The following SLC46A1 variants were observed in gnomAD, a reference collection of about 807,000 sequenced individuals.
The protein encoded by SLC46A1 is proton-coupled folate transporter.
Under a neutral mutation model 32.1 loss-of-function variants are expected in SLC46A1, and 17 were observed. That is an observed-to-expected ratio of 0.53 (90% CI 0.36 to 0.79). SLC46A1 has a LOEUF of 0.79. SLC46A1 is among the 30% of genes least tolerant of loss of function. SLC46A1 has a pLI of 0.00. For missense variants in SLC46A1, 517 were observed against 588.2 expected (o/e 0.88, Z 1.25); for synonymous variants, 240 against 262.7 (o/e 0.91, Z 0.84).
At position 28,405,393 on chromosome 17, in the gene SLC46A1, T is replaced by A. The variant is rs1555590992; in HGVS notation, c.304A>T (p.Thr102Ser). 2 of 1,585,424 alleles carry A rather than the reference T, an allele frequency of 1.3e-6. No homozygotes were observed. The highest frequency in any genetic ancestry group is 3.6e-5 in the Admixed American group (2 of 55,608). The change falls in exon 2 of 5, where the codon ACC (threonine) becomes TCC (serine). Residue 102 changes from threonine (T) to serine (S), a missense_variant. Thr to Ser is a moderately conservative substitution (Grantham distance 58). Transcript: ENST00000612814. ...CTGTCGCTCCAAGCTCCCAGCAGGG[T>A]GGACGAGAAGAGCCCCACCAGGAAG... ...GGFLVGLFSS[T>S]LLGAWSDSVG... is the part of the protein sequence containing the mutation.
rs1597828080 is a variant in SLC46A1, at chr17:28,397,679, G to C, written c.*1977C>G. The C allele has an allele frequency of 6.6e-6, 1 of 152,250 alleles. No individual in the cohort carries two copies. The highest frequency in any genetic ancestry group is 1.5e-5 in the Non-Finnish European group (1 of 68,080). The allele number at this position is 152,250 out of a possible 1,614,324, so 9.4% of individuals were successfully genotyped here. A position where few individuals can be genotyped will look rare whatever the true frequency, so the allele number is the denominator to read the frequency against. On this transcript the variant is annotated 3_prime_UTR_variant, in exon 5 of 5. Coordinates refer to ENST00000612814, the MANE Select transcript of SLC46A1 (RefSeq NM_080669.6). ...TCAAAGAATCTAGCAGCGGGGGATA[G>C]GATTTTGCAACAAAAAGCTGACCCA...
In SLC46A1 at chr17:28,398,043, T is replaced by C. The variant is rs1472804396; in HGVS notation, c.*1613A>G. On this transcript the variant is annotated 3_prime_UTR_variant, in exon 5 of 5. Coordinates refer to ENST00000612814, the MANE Select transcript of SLC46A1 (RefSeq NM_080669.6). Reference sequence around the variant, plus strand: ...GTTTTGACCCCACCTGATCCTCCTTTCCTCATGCAGCACAAGTGCTCACCG... The same window carrying C: ...GTTTTGACCCCACCTGATCCTCCTTCCCTCATGCAGCACAAGTGCTCACCG... The C allele has an allele frequency of 6.6e-6, 1 of 152,464 alleles. No individual in the cohort carries two copies. Among genetic ancestry groups the C allele is most frequent in the Non-Finnish European group, 1.5e-5 (1 of 68,268 alleles). The allele number at this position is 152,464 out of a possible 1,614,324, so 9.4% of individuals were successfully genotyped here.
At chr17:28,403,068 C>G (rs969201574) in intron 2 of SLC46A1, 3 of 152,282 alleles carry the variant, frequency 2.0e-5, no homozygotes, top group Non-Finnish European at 4.4e-5. Flanking sequence ...CCAAGGAATG[C>G]CAGCAGCCCC....
chr17:28,401,128 G>C (rs1023918392), intron 3 of SLC46A1: 4 of 342,144 alleles, frequency 1.2e-5, no homozygotes, highest in African/African-American at 8.5e-5. Context: ...TCCTGTTTGG[G>C]ATTAACTGCT....
In SLC46A1 at chr17:28,404,839, G is replaced by T; in HGVS notation, c.858C>A (p.Asp286Glu). 6.2e-7 allele frequency: 1 copy of T among 1,614,008 alleles called. No homozygotes were observed. Among genetic ancestry groups the T allele is most frequent in the South Asian group, 1.1e-5 (1 of 91,086 alleles). ...VVITVHFGAQ[D>E]ILTLYELSTP... ...TGCTTAGTTCATAAAGGGTTAAGAT[G>T]TCCTGGGCCCCAAAGTGCACAGTGA... The change falls in exon 2 of 5, where the codon GAC (aspartate) becomes GAA (glutamate). Residue 286 changes from aspartate to glutamate, a missense_variant. By Grantham distance (45) the Asp-to-Glu change is conservative (BLOSUM62 2). Coordinates refer to ENST00000612814, the MANE Select transcript of SLC46A1 (RefSeq NM_080669.6).
At chr17:28,400,187 G>A (rs1454624203) in intron 4 of SLC46A1, 15 of 240,190 alleles carry the variant, frequency 6.2e-5, no homozygotes, top group East Asian at 1.0e-4. Context: ...GAGCCTCCAC[G>A]CCCGGCCATG....
Position 28,405,102 on chromosome 17 carries a change from C to G in SLC46A1, c.595G>C (p.Gly199Arg), listed in dbSNP as rs782562758. Residue 199 changes from glycine to arginine, a missense_variant, in exon 2 of 5, where the codon GGG (glycine) becomes CGG (arginine). By Grantham distance (125) the Gly-to-Arg change is moderately radical. Transcript: ENST00000612814. ...CCCTGGGCCCGGAGCCAGTGGCCCC[C>G]GAGGAGGCTTGCCAGCATCCCAGCC... Reference protein sequence around the residue: ...GVAGMLASLLGGHWLRAQGYA... With the variant: ...GVAGMLASLLRGHWLRAQGYA... 6.8e-6 allele frequency: 11 copies of G among 1,613,800 alleles called. No homozygotes were observed. The highest frequency in any genetic ancestry group is 1.7e-6 in the Non-Finnish European group (2 of 1,179,820).
chr17:28,398,386 C>T lies in SLC46A1; in HGVS notation c.*1270G>A, dbSNP rs1567814126. 1 of 152,388 alleles carries T rather than the reference C, an allele frequency of 6.6e-6. No individual in the cohort carries two copies. The highest frequency in any genetic ancestry group is 1.9e-4 in the East Asian group (1 of 5,202). The allele number at this position is 152,388 out of a possible 1,614,324, so 9.4% of individuals were successfully genotyped here. A position where few individuals can be genotyped will look rare whatever the true frequency, so the allele number is the denominator to read the frequency against. ...GCCCCAGCTGGAACAGCTGAAGTCA[C>T]AAGCCTCCTCTAAGCCAAGGCCAGT... On this transcript the variant is annotated 3_prime_UTR_variant, in exon 5 of 5. Transcript: ENST00000612814.
At chr17:28,403,545 A>T (rs2068221140) in intron 2 of SLC46A1, 1 of 152,168 alleles carries the variant, frequency 6.6e-6, no homozygotes, top group Non-Finnish European at 1.5e-5. Context: ...GACCCAGAGC[A>T]ATGACAGCAT....
rs782221502 is a variant in SLC46A1, at chr17:28,404,698, C to G, written c.999G>C (p.Trp333Cys). 1 of 1,613,824 alleles carries G rather than the reference C, an allele frequency of 6.2e-7. No homozygotes were observed. Among genetic ancestry groups the G allele is most frequent in the Non-Finnish European group, 8.5e-7 (1 of 1,179,834 alleles). Residue 333 changes from tryptophan (W) to cysteine (C), a missense_variant, in exon 2 of 5, where the codon TGG becomes TGC. Trp to Cys is a radical substitution (Grantham distance 215). Coordinates refer to ENST00000612814, the MANE Select transcript of SLC46A1 (RefSeq NM_080669.6). ...TGAAGGCCAGGCCGATCTCAGCTAC[C>G]CAGGCATCGGCCAGGCAGTACTGCA... is the stretch of plus-strand genomic sequence containing the variant. The part of the protein sequence containing the change: ...KLLQYCLADA[W>C]VAEIGLAFNI...
Position 28,405,169 on chromosome 17 carries a change from G to T in SLC46A1, c.528C>A (p.Ser176Arg), listed in dbSNP as rs1214642514. The T allele has an allele frequency of 5.6e-6, 9 of 1,609,440 alleles. No homozygotes were observed. The highest frequency in any genetic ancestry group is 1.3e-5 in the African/African-American group (1 of 74,834). Reference sequence around the variant, plus strand: ...CCAGCAGGGCCATCCGGAAGGTGCGGCTGCGACTGGAGCTGACATCTGCCA... The same window carrying T: ...CCAGCAGGGCCATCCGGAAGGTGCGTCTGCGACTGGAGCTGACATCTGCCA... ...ASVADVSSSRSRTFRMALLEA... is the reference protein window; with the variant it reads ...ASVADVSSSRRRTFRMALLEA... The change falls in exon 2 of 5, where the codon AGC becomes AGA. Residue 176 changes from serine to arginine, a missense_variant. Physicochemically the swap from Ser to Arg is moderately radical, Grantham distance 110. Coordinates refer to ENST00000612814, the MANE Select transcript of SLC46A1 (RefSeq NM_080669.6).
Position 28,396,168 on chromosome 17 carries a change from A to G in SLC46A1, c.*3488T>C. The stretch of plus-strand genomic sequence containing the variant: ...TCCTGTGCCCACAGGTGGTCCCACG[A>G]ATACCAGGAGGCCACCATTGAGAAG... On this transcript the variant is annotated 3_prime_UTR_variant, in exon 5 of 5. Coordinates refer to ENST00000612814, the MANE Select transcript of SLC46A1 (RefSeq NM_080669.6). 1 of 1,613,906 alleles carries G rather than the reference A, an allele frequency of 6.2e-7. No individual in the cohort carries two copies. The highest frequency in any genetic ancestry group is 1.6e-4 in the Middle Eastern group (1 of 6,062).
chr17:28,405,788 A>G, intron 1 of SLC46A1, 99 bp downstream of exon 1: 1 of 1,300,530 alleles, frequency 7.7e-7, no homozygotes. Flanking sequence ...CCCTCCCTCC[A>G]GTTACCCGCC....
At chr17:28,406,463 C>T (rs1212756002), upstream of SLC46A1, 4 of 262,534 alleles carry the variant, frequency 1.5e-5, no homozygotes, top group Non-Finnish European at 2.9e-5. This position sits in a 1 kb window ranked among gnomAD's most constrained non-coding sequence, Gnocchi z 4.5. Context: ...TTACTATGTG[C>T]TGGGCACGGT....
chr17:28,404,120 A>G, intron 2 of SLC46A1: 1 of 158,556 alleles, frequency 6.3e-6, no homozygotes. Flanking sequence ...GAGGGAAAGG[A>G]GAAGGAGAAA....
rs1182499834 is a variant in SLC46A1, at chr17:28,397,209, G to C, written c.*2447C>G. ...CAGAACCTGCAGCTCTGTGGAAAGA[G>C]GCAAAGTCCTGAAAAGGCAAAGGGT... On this transcript the variant is annotated 3_prime_UTR_variant, in exon 5 of 5. Coordinates refer to ENST00000612814, the MANE Select transcript of SLC46A1 (RefSeq NM_080669.6). 1 of 152,716 alleles carries C rather than the reference G, an allele frequency of 6.5e-6. No homozygotes were observed. The highest frequency in any genetic ancestry group is 1.5e-5 in the Non-Finnish European group (1 of 68,096). The allele number at this position is 152,716 out of a possible 1,614,324, so 9.5% of individuals were successfully genotyped here. A position where few individuals can be genotyped will look rare whatever the true frequency, so the allele number is the denominator to read the frequency against.
chr17:28,400,122 C>A (rs1042531127), intron 4 of SLC46A1: 3 of 232,682 alleles, frequency 1.3e-5, no homozygotes, highest in Non-Finnish European at 2.6e-5. Context: ...CTTGAATTCC[C>A]GGGCTCAAGT....
chr17:28,405,192 C>T lies in SLC46A1; in HGVS notation c.505G>A (p.Ala169Thr). 1 of 1,604,624 alleles carries T rather than the reference C, an allele frequency of 6.2e-7. No individual in the cohort carries two copies. Among genetic ancestry groups the T allele is most frequent in the Non-Finnish European group, 8.5e-7 (1 of 1,175,656 alleles). ...CGGCTGCGACTGGAGCTGACATCTGCCACGGACGCAAAGCTAGCAGCCAGA... is the reference window on the plus strand; with the variant it reads ...CGGCTGCGACTGGAGCTGACATCTGTCACGGACGCAAAGCTAGCAGCCAGA... Reference protein sequence around the residue: ...GLLAASFASVADVSSSRSRTF... With the variant: ...GLLAASFASVTDVSSSRSRTF... Residue 169 changes from alanine to threonine, a missense_variant, in exon 2 of 5, where the codon GCA becomes ACA. Coordinates refer to ENST00000612814, the MANE Select transcript of SLC46A1 (RefSeq NM_080669.6).
At position 28,400,548 on chromosome 17, in the gene SLC46A1, G is replaced by A. The variant is rs879959004; in HGVS notation, c.1322+62C>T. ...AAGCTGCCATTTCTGGTTGGGAGGA[G>A]AAGAGGAAACTTTTAAGAGAAAGGG... is the stretch of plus-strand genomic sequence containing the variant. On this transcript the variant is annotated intron_variant, in intron 4 of 4. Coordinates refer to ENST00000612814, the MANE Select transcript of SLC46A1 (RefSeq NM_080669.6). The A allele has an allele frequency of 5.0e-6, 8 of 1,591,402 alleles. No homozygotes were observed. The Admixed American group carries it at 1.2e-4, about 24-fold the overall frequency.
Sources: allele counts gnomAD v4.1 joint callset, GRCh38; gene constraint gnomAD v4.1.1; non-coding constraint Gnocchi (gnomAD v3.1); transcripts MANE v1.5; gene names NCBI Gene and HGNC (gene_info 2026-07-23, HGNC 2026-07-21).